CACNA1A: variants seen among roughly 807,000 people sequenced by gnomAD.
The protein encoded by CACNA1A is calcium voltage-gated channel subunit alpha1 A.
Under a neutral mutation model 262.4 loss-of-function variants are expected in CACNA1A, and 57 were observed. The ratio of observed to expected loss-of-function variants is 0.22; its 90% CI spans 0.18 to 0.27. The LOEUF is 0.27. Among genes scored for constraint, CACNA1A ranks in the 10% least tolerant of loss-of-function variants. CACNA1A has a pLI of 1.00. For synonymous variants in CACNA1A, 1,431 were observed against 1,419.3 expected (o/e 1.01, Z -0.18); for missense variants, 2,526 against 3,562.8 (o/e 0.71, Z 7.41).
intron 30 of CACNA1A, 129 bp downstream of exon 30, chr19:13,252,862 G>A (rs1332341819): frequency 3.4e-6 from 2 of 584,738 alleles, no homozygotes; most frequent in Non-Finnish European, 6.1e-6. Flanking sequence ...TGTGGCCACT[G>A]GCAGGATACT....
chr19:13,478,348 G>C (rs972122435), intron 1 of CACNA1A, among the ~76,000 whole-genome samples: 5 of 152,066 alleles, frequency 3.3e-5, no homozygotes, highest in African/African-American at 1.2e-4. Flanking sequence ...TACAGACAGG[G>C]TCTCACTCTA....
At chr19:13,384,513 C>G (rs2144620795) in intron 3 of CACNA1A, among the ~76,000 whole-genome samples, 1 of 152,320 alleles carries the variant, frequency 6.6e-6, no homozygotes, top group South Asian at 2.1e-4. Flanking sequence ...GCCTGGCCAA[C>G]ATGGCAAAAC....
chr19:13,479,448 G>A (rs572430969), intron 1 of CACNA1A, among the ~76,000 whole-genome samples: 1 of 151,656 alleles, frequency 6.6e-6, no homozygotes, highest in East Asian at 1.9e-4. Context: ...ACTGTGCCTG[G>A]TGTGTCTGAG....
chr19:13,302,937 G>A (rs1388930416), intron 17 of CACNA1A, among the ~76,000 whole-genome samples: 1 of 152,236 alleles, frequency 6.6e-6, no homozygotes, highest in African/African-American at 2.4e-5. Flanking sequence ...CCCCAGGGCT[G>A]AGAGGAAGAC....
At chr19:13,434,629 A>T (rs972578487) in intron 3 of CACNA1A, among the ~76,000 whole-genome samples, 1 of 152,056 alleles carries the variant, frequency 6.6e-6, no homozygotes, top group Non-Finnish European at 1.5e-5. Flanking sequence ...ATGTGAGGAC[A>T]CCTGCTCCAG....
intron 3 of CACNA1A, among the ~76,000 whole-genome samples, chr19:13,375,530 G>A (rs1161681962): frequency 6.6e-6 from 1 of 152,202 alleles, no homozygotes; most frequent in Non-Finnish European, 1.5e-5. Context: ...GCTCATGCCT[G>A]TAATCCGAGC....
Position 13,371,885 on chromosome 19 carries a change from C to T in CACNA1A, c.540-106G>A. On this transcript the variant is annotated intron_variant, in intron 3 of 46. Transcript: ENST00000360228. ...AGCTGTCCTGTATTGGTTGGGTGACCACAGGCAGGTGACTCGACACCACTG... is the reference window on the plus strand; with the variant it reads ...AGCTGTCCTGTATTGGTTGGGTGACTACAGGCAGGTGACTCGACACCACTG... 6 of 802,450 alleles carry T rather than the reference C, an allele frequency of 7.5e-6. No individual in the cohort carries two copies. The South Asian group carries it at 8.8e-5, about 12-fold the overall frequency. The allele number at this position is 802,450 out of a possible 1,614,324, so 49.7% of individuals were successfully genotyped here. A position where few individuals can be genotyped will look rare whatever the true frequency, so the allele number is the denominator to read the frequency against.
At chr19:13,415,024 G>C (rs1288142775) in intron 3 of CACNA1A, among the ~76,000 whole-genome samples, 1 of 152,076 alleles carries the variant, frequency 6.6e-6, no homozygotes, top group East Asian at 1.9e-4. Context: ...GCCCATGTAG[G>C]ACAGCTGGTT....
chr19:13,325,092 T>TTCC (rs36185616), intron 10 of CACNA1A, among the ~76,000 whole-genome samples: 80,745 of 135,088 alleles, frequency 0.6, 24,291 homozygotes, highest in East Asian at 0.88. Context: ...CCCCTTCCCC[T>TTCC]TCCTCCTCTT....
intron 3 of CACNA1A, among the ~76,000 whole-genome samples, chr19:13,443,398 G>A (rs1045116402): frequency 2.6e-5 from 4 of 152,106 alleles, no homozygotes; most frequent in African/African-American, 9.7e-5. Flanking sequence ...CTGGAGTGCA[G>A]TGGTGTGATC....
intron 7 of CACNA1A, 126 bp downstream of exon 7, chr19:13,335,680 A>T: frequency 1.4e-6 from 1 of 704,098 alleles, no homozygotes; most frequent in Non-Finnish European, 2.5e-6. Context: ...CAGTCTGGTA[A>T]CCCAAACAAG....
At chr19:13,288,205 C>A (rs1277483206) in intron 19 of CACNA1A, among the ~76,000 whole-genome samples, 1 of 151,388 alleles carries the variant, frequency 6.6e-6, no homozygotes, top group Admixed American at 6.6e-5. Context: ...TAAATGAATA[C>A]CCCCATTTTC....
chr19:13,294,649 G>A (rs2057625382), intron 19 of CACNA1A, among the ~76,000 whole-genome samples: 1 of 151,862 alleles, frequency 6.6e-6, no homozygotes, highest in South Asian at 2.1e-4. Flanking sequence ...CACCACGCCT[G>A]GCTAATTTTT....
chr19:13,487,028 G>A (rs1056894247), intron 1 of CACNA1A, among the ~76,000 whole-genome samples: 5 of 152,180 alleles, frequency 3.3e-5, no homozygotes, highest in South Asian at 2.1e-4. Context: ...ATGGCCCACC[G>A]TGGTTCCCAA....
intron 34 of CACNA1A, among the ~76,000 whole-genome samples, chr19:13,233,128 C>G (rs1280751110): frequency 1.3e-5 from 2 of 151,918 alleles, no homozygotes; most frequent in Non-Finnish European, 2.9e-5. Context: ...TCACTCTGTT[C>G]TAGGTATGCT....
chr19:13,296,137 T>C (rs142316332), intron 19 of CACNA1A, among the ~76,000 whole-genome samples: 14 of 152,324 alleles, frequency 9.2e-5, no homozygotes, highest in African/African-American at 2.9e-4. Flanking sequence ...CCTGGACCAG[T>C]AGTATCAGCC....
intron 3 of CACNA1A, among the ~76,000 whole-genome samples, chr19:13,406,751 C>T (rs549027550): frequency 6.6e-6 from 1 of 151,364 alleles, no homozygotes; most frequent in African/African-American, 2.4e-5. Context: ...GGGCCATCAC[C>T]CTTCAGCCAG....
Position 13,506,112 on chromosome 19 carries a change from T to C in CACNA1A, c.113A>G (p.Gln38Arg). ...CCTTTGCGCCCCGGGCTGCCCGCCCTGCCGGCTGCCCCCGGCTCCTCGCCC... is the reference window on the plus strand; with the variant it reads ...CCTTTGCGCCCCGGGCTGCCCGCCCCGCCGGCTGCCCCCGGCTCCTCGCCC... Reference protein sequence around the residue: ...GGGRGAGGSRQGGQPGAQRMY... With the variant: ...GGGRGAGGSRRGGQPGAQRMY... The change falls in exon 1 of 47, where the codon CAG becomes CGG. Residue 38 changes from glutamine to arginine, a missense_variant. Around this residue, in one of 17 missense-constraint regions of CACNA1A, gnomAD observed 65 missense variants for 75.6 expected, o/e 0.86. Transcript: ENST00000360228. 1 of 1,611,420 alleles carries C rather than the reference T, an allele frequency of 6.2e-7. No homozygotes were observed. Among genetic ancestry groups the C allele is most frequent in the Non-Finnish European group, 8.5e-7 (1 of 1,178,894 alleles).
chr19:13,415,088 A>C (rs1239754290), intron 3 of CACNA1A, among the ~76,000 whole-genome samples: 1 of 151,990 alleles, frequency 6.6e-6, no homozygotes, highest in African/African-American at 2.4e-5. Flanking sequence ...AACTACTGGG[A>C]TGAGGAGGGC....
Sources: allele counts gnomAD v4.1 joint callset (sites outside exome capture counted in the v4.1 genomes callset), GRCh38; gene constraint gnomAD v4.1.1; regional missense constraint gnomAD v4.1.1; transcripts MANE v1.5; gene names NCBI Gene and HGNC (gene_info 2026-07-23, HGNC 2026-07-21).